Variants in PTPRD observed in about 807,000 individuals in gnomAD.
PTPRD encodes receptor-type tyrosine-protein phosphatase delta.
In PTPRD, 34 loss-of-function variants were observed where a neutral mutation model predicts 214.5. That is an observed-to-expected ratio of 0.16 (90% confidence interval 0.12 to 0.21). The LOEUF (loss-of-function observed/expected upper bound fraction) is 0.21, where lower values mean the gene tolerates loss of function less well. PTPRD is among the 10% of genes least tolerant of loss of function. PTPRD has a pLI of 1.00. For synonymous variants in PTPRD, 1,128 were observed against 845.7 expected, an observed-to-expected ratio of 1.33 and a Z score of -5.79; for missense variants, 2,545 against 2,398.7, an observed-to-expected ratio of 1.06 and a Z score of -1.27.
At chr9:9,931,982 A>T (rs866106720) in intron 5 of PTPRD, among the ~76,000 whole-genome samples, 1 of 150,118 alleles carries the variant, frequency 6.7e-6, no homozygotes, top group Non-Finnish European at 1.5e-5. Flanking sequence ...CACCTCACAC[A>T]GCAGAGTACT....
intron 9 of PTPRD, among the ~76,000 whole-genome samples, chr9:9,206,290 A>T (rs1291290805): frequency 6.6e-6 from 1 of 152,194 alleles, no homozygotes; most frequent in South Asian, 2.1e-4. Flanking sequence ...AAAGACATTC[A>T]GTTTTACAAG....
At chr9:9,746,045 T>C (rs927489194) in intron 6 of PTPRD, among the ~76,000 whole-genome samples, 1 of 152,134 alleles carries the variant, frequency 6.6e-6, no homozygotes, top group Non-Finnish European at 1.5e-5. Flanking sequence ...TACTCTAGTA[T>C]GAGAAACCAA....
chr9:9,118,699 A>G (rs1303873758), intron 10 of PTPRD, among the ~76,000 whole-genome samples: 1 of 152,228 alleles, frequency 6.6e-6, no homozygotes, highest in Non-Finnish European at 1.5e-5. Flanking sequence ...TTGCAAGCAT[A>G]GACAGCTGAT....
chr9:8,472,972 G>A (rs2096685080), intron 30 of PTPRD, among the ~76,000 whole-genome samples: 1 of 152,120 alleles, frequency 6.6e-6, no homozygotes, highest in Non-Finnish European at 1.5e-5. Flanking sequence ...ATAAACCAGA[G>A]GTGCTCAGCA....
chr9:10,411,104 A>G (rs571249318), intron 2 of PTPRD, among the ~76,000 whole-genome samples: 107 of 151,932 alleles, frequency 7.0e-4, no homozygotes, highest in African/African-American at 2.5e-3. Context: ...TACTATTTAC[A>G]TTATTGTTCA....
chr9:9,866,575 A>G (rs973060029), intron 5 of PTPRD, among the ~76,000 whole-genome samples: 2 of 152,170 alleles, frequency 1.3e-5, no homozygotes, highest in Non-Finnish European at 2.9e-5. Context: ...TCAAAAATTT[A>G]AAGAGGGGAA....
intron 8 of PTPRD, among the ~76,000 whole-genome samples, chr9:9,409,875 A>G (rs2074806765): frequency 6.6e-6 from 1 of 151,882 alleles, no homozygotes; most frequent in Non-Finnish European, 1.5e-5. Context: ...TATACAATAC[A>G]GATAACGATA....
In PTPRD at chr9:9,183,340, C is replaced by T. The variant is rs1372604032; in HGVS notation, c.-179G>A. On this transcript the variant is annotated 5_prime_UTR_variant, in exon 10 of 46. Coordinates refer to ENST00000381196, the MANE Select transcript of PTPRD (RefSeq NM_002839.4). The stretch of plus-strand genomic sequence containing the variant: ...CACCGTCGGTGTTTTCAGACACAGT[C>T]CCTGGCCTCAAGAAGTTCAAAACCT... 2 of 151,876 alleles carry T rather than the reference C, an allele frequency of 1.3e-5. No individual in the cohort carries two copies. The allele number at this position is 151,876 out of a possible 1,614,324, so 9.4% of individuals were successfully genotyped here.
At chr9:9,172,757 C>T (rs1375988373) in intron 10 of PTPRD, among the ~76,000 whole-genome samples, 1 of 152,110 alleles carries the variant, frequency 6.6e-6, no homozygotes, top group East Asian at 1.9e-4. Flanking sequence ...CAATGCCTAT[C>T]TAGAATTTAA....
intron 2 of PTPRD, among the ~76,000 whole-genome samples, chr9:10,501,331 T>C (rs1363807761): frequency 6.6e-6 from 1 of 152,046 alleles, no homozygotes; most frequent in African/African-American, 2.4e-5. Flanking sequence ...TTGCCATTTG[T>C]ATTTTTTAGT....
intron 2 of PTPRD, among the ~76,000 whole-genome samples, chr9:10,591,567 G>C (rs1244909924): frequency 6.6e-6 from 1 of 151,694 alleles, no homozygotes; most frequent in East Asian, 2.0e-4. Context: ...TTCATTGCAA[G>C]ATCTATTAAA....
At chr9:9,859,139 C>T (rs900992856) in intron 5 of PTPRD, among the ~76,000 whole-genome samples, 19 of 152,204 alleles carry the variant, frequency 1.2e-4, no homozygotes, top group African/African-American at 4.6e-4. Context: ...CACTCTCTCT[C>T]TTCTACTGCC....
At chr9:8,766,187 G>GAA (rs5896254) in intron 11 of PTPRD, among the ~76,000 whole-genome samples, 20 of 121,990 alleles carry the variant, frequency 1.6e-4, no homozygotes, top group South Asian at 8.2e-4. Context: ...TACCACTGAT[G>GAA]AAAAAAAAAA....
At chr9:8,743,804 A>G (rs1172762186) in intron 11 of PTPRD, among the ~76,000 whole-genome samples, 3 of 95,168 alleles carry the variant, frequency 3.2e-5, no homozygotes, top group African/African-American at 1.7e-4. Flanking sequence ...TAACAATAAT[A>G]ATAATAATAA....
At chr9:9,701,232 G>C (rs1337314560) in intron 7 of PTPRD, among the ~76,000 whole-genome samples, 1 of 151,988 alleles carries the variant, frequency 6.6e-6, no homozygotes, top group Non-Finnish European at 1.5e-5. Flanking sequence ...TGAAAACTTA[G>C]AGCAAATAAC....
chr9:9,573,262 T>C (rs2087122067), intron 8 of PTPRD, among the ~76,000 whole-genome samples: 1 of 151,492 alleles, frequency 6.6e-6, no homozygotes, highest in South Asian at 2.1e-4. Flanking sequence ...ATTTATAGAA[T>C]ACAGAAAAAG....
At chr9:8,513,214 A>C (rs1440600605) in intron 21 of PTPRD, among the ~76,000 whole-genome samples, 1 of 152,056 alleles carries the variant, frequency 6.6e-6, no homozygotes, top group African/African-American at 2.4e-5. Flanking sequence ...CCATTTAAAG[A>C]TTACTCAACA....
At chr9:10,371,295 C>A (rs1352786247) in intron 2 of PTPRD, among the ~76,000 whole-genome samples, 1 of 151,968 alleles carries the variant, frequency 6.6e-6, no homozygotes, top group Non-Finnish European at 1.5e-5. Flanking sequence ...AGTGACATAA[C>A]CAGTTGCTAC....
chr9:8,461,824 T>G (rs1011937550), intron 32 of PTPRD, among the ~76,000 whole-genome samples: 44 of 148,238 alleles, frequency 3.0e-4, no homozygotes, highest in African/African-American at 1.1e-3. Context: ...TTAAAAAAAT[T>G]TTTTTTATAG....
Sources: gnomAD v4.1 joint callset for allele counts (sites outside exome capture counted in the v4.1 genomes callset) on GRCh38, gnomAD v4.1.1 for gene constraint, MANE v1.5 for transcripts, NCBI Gene and HGNC (gene_info 2026-07-23, HGNC 2026-07-21) for gene names.